Variants in CPQ observed in about 807,000 individuals in gnomAD.
The protein encoded by CPQ is carboxypeptidase Q.
CPQ carries 37 observed loss-of-function variants against 45.7 expected under a neutral mutation model. The ratio of observed to expected loss-of-function variants is 0.81; its 90% CI spans 0.62 to 1.07. CPQ has a LOEUF of 1.07. Among genes scored for constraint, CPQ ranks in the 50% least tolerant of loss-of-function variants. The pLI is 0.00. For missense variants in CPQ, 537 were observed against 572.9 expected, an observed-to-expected ratio of 0.94 and a Z score of 0.64; for synonymous variants, 186 against 205.8, an observed-to-expected ratio of 0.90 and a Z score of 0.82.
intron 7 of CPQ, among the ~76,000 whole-genome samples, chr8:97,115,743 G>A (rs1345258178): frequency 2.0e-5 from 3 of 152,126 alleles, no homozygotes; most frequent in Non-Finnish European, 4.4e-5. Context: ...TATTCATTAT[G>A]GCACAAGGTT....
chr8:96,717,001 G>T (rs1809682828), intron 1 of CPQ, among the ~76,000 whole-genome samples: 1 of 117,270 alleles, frequency 8.5e-6, no homozygotes, highest in Non-Finnish European at 1.7e-5. Context: ...CCTTTTTATG[G>T]CTGAGCAGTA....
At chr8:96,874,068 T>C (rs917564799) in intron 3 of CPQ, among the ~76,000 whole-genome samples, 1 of 151,858 alleles carries the variant, frequency 6.6e-6, no homozygotes, top group Non-Finnish European at 1.5e-5. Flanking sequence ...TCACTTTTCA[T>C]AAGATACACA....
At chr8:96,991,414 G>T (rs1809089881) in intron 5 of CPQ, among the ~76,000 whole-genome samples, 1 of 151,910 alleles carries the variant, frequency 6.6e-6, no homozygotes, top group Admixed American at 6.6e-5. Flanking sequence ...AAATTAGCTG[G>T]GCGTGGTGGC....
In CPQ at chr8:96,645,313, C is replaced by T. The variant is rs577640616; in HGVS notation, c.-124C>T. On this transcript the variant is annotated 5_prime_UTR_variant, in exon 1 of 8. Coordinates refer to ENST00000220763, the MANE Select transcript of CPQ (RefSeq NM_016134.4). Reference sequence around the variant, plus strand: ...GCGGCGCGGAGGGCCCCAGCCCAGTCAGGGGTGTGGCCGCCGCCACCGTAA... The same window carrying T: ...GCGGCGCGGAGGGCCCCAGCCCAGTTAGGGGTGTGGCCGCCGCCACCGTAA... The T allele has an allele frequency of 6.6e-6, 1 of 152,440 alleles. No individual in the cohort carries two copies. Among genetic ancestry groups the T allele is most frequent in the Non-Finnish European group, 1.5e-5 (1 of 68,212 alleles). The allele number at this position is 152,440 out of a possible 1,614,324, so 9.4% of individuals were successfully genotyped here.
intron 6 of CPQ, among the ~76,000 whole-genome samples, chr8:97,063,184 A>T (rs1407022895): frequency 6.6e-6 from 1 of 152,098 alleles, no homozygotes; most frequent in Non-Finnish European, 1.5e-5. Context: ...GACTGGTGTG[A>T]GATGGTATCT....
intron 1 of CPQ, among the ~76,000 whole-genome samples, chr8:96,671,996 G>A (rs552860814): frequency 6.6e-6 from 1 of 152,256 alleles, no homozygotes; most frequent in South Asian, 2.1e-4. Flanking sequence ...AGGATTATTA[G>A]AGATTTGGGT....
At chr8:96,899,778 G>A (rs1179040050) in intron 4 of CPQ, among the ~76,000 whole-genome samples, 2 of 152,054 alleles carry the variant, frequency 1.3e-5, no homozygotes, top group Non-Finnish European at 2.9e-5. Context: ...GATTTGACTG[G>A]GGATAAATAT....
chr8:96,717,031 ATAT>A, intron 1 of CPQ, among the ~76,000 whole-genome samples: 2 of 10,764 alleles, frequency 1.9e-4, no homozygotes, highest in East Asian at 3.4e-3. Flanking sequence ...ATAAATATAT[ATAT>A]ATATATATAT....
chr8:96,910,895 TCAGGACTTGAAC>T (rs1812651333), intron 4 of CPQ, among the ~76,000 whole-genome samples: 1 of 151,922 alleles, frequency 6.6e-6, no homozygotes, highest in Admixed American at 6.6e-5. Flanking sequence ...GAAGGCTGAG[TCAGGACTTGAAC>T]CAGGTTTTTA....
intron 1 of CPQ, among the ~76,000 whole-genome samples, chr8:96,673,484 C>G (rs1339565652): frequency 8.6e-5 from 13 of 152,032 alleles, no homozygotes; most frequent in Admixed American, 8.5e-4. Context: ...TGGGAGGGGA[C>G]AAATCAGAGG....
chr8:96,692,759 A>G (rs115660957), intron 1 of CPQ, among the ~76,000 whole-genome samples: 197 of 152,330 alleles, frequency 1.3e-3, no homozygotes, highest in African/African-American at 4.5e-3. Flanking sequence ...AAAGACAACA[A>G]TAAATATTCA....
At chr8:96,740,286 T>C (rs1190223627) in intron 1 of CPQ, among the ~76,000 whole-genome samples, 4 of 152,208 alleles carry the variant, frequency 2.6e-5, no homozygotes, top group Non-Finnish European at 5.9e-5. Context: ...TGTATAAGAA[T>C]GCTTGTGATT....
In CPQ at chr8:96,970,712, C is replaced by T. The variant is rs553874196; in HGVS notation, c.961+4666C>T. ...ACGAGTAGCTGGGACTACAGGCGCC[C>T]GCTACCACGCCCGGCTAATTTTTTG... On this transcript the variant is annotated intron_variant, in intron 5 of 7. Coordinates refer to ENST00000220763, the MANE Select transcript of CPQ (RefSeq NM_016134.4). Among the ~76,000 whole-genome samples the T allele has an allele frequency of 2.5e-3, 386 of 152,156 alleles. 3 individuals carry two copies. Among genetic ancestry groups the T allele is most frequent in the African/African-American group, 8.9e-3 (371 of 41,528 alleles).
At chr8:97,111,246 TC>T (rs1351132607) in intron 7 of CPQ, among the ~76,000 whole-genome samples, 1 of 152,132 alleles carries the variant, frequency 6.6e-6, no homozygotes, top group Non-Finnish European at 1.5e-5. Flanking sequence ...GGAAATGTCC[TC>T]CCTTTTCCTC....
At chr8:96,661,191 C>CT (rs1299531729) in intron 1 of CPQ, among the ~76,000 whole-genome samples, 8 of 151,836 alleles carry the variant, frequency 5.3e-5, no homozygotes, top group African/African-American at 1.9e-4. Context: ...AAGTGGCAGA[C>CT]TTTTTTTTAA....
In CPQ at chr8:97,015,163, G is replaced by A. The variant is rs549723873; in HGVS notation, c.962-14240G>A. On this transcript the variant is annotated intron_variant, in intron 5 of 7. Coordinates refer to ENST00000220763, the MANE Select transcript of CPQ (RefSeq NM_016134.4). ...CCATCATTTTCTTTAAAATTGTACTGTTGTTTAACTTCTCACCAGTTGATG... is the reference window on the plus strand; with the variant it reads ...CCATCATTTTCTTTAAAATTGTACTATTGTTTAACTTCTCACCAGTTGATG... 2.6e-4 allele frequency among the ~76,000 whole-genome samples: 40 copies of A among 152,214 alleles called. 1 individual carries two copies. The South Asian group carries it at 3.9e-3, about 15-fold the overall frequency.
At chr8:96,760,757 T>C (rs1485387526) in intron 1 of CPQ, among the ~76,000 whole-genome samples, 1 of 152,144 alleles carries the variant, frequency 6.6e-6, no homozygotes, top group African/African-American at 2.4e-5. Context: ...AACTGGGACT[T>C]AAAAACCAGC....
At chr8:96,820,491 C>G (rs1182707570) in intron 2 of CPQ, among the ~76,000 whole-genome samples, 1 of 151,892 alleles carries the variant, frequency 6.6e-6, no homozygotes, top group East Asian at 1.9e-4. Flanking sequence ...TTCCTGGCCT[C>G]TGATAACTAC....
At chr8:96,868,396 A>G (rs1812021755) in intron 3 of CPQ, among the ~76,000 whole-genome samples, 5 of 152,056 alleles carry the variant, frequency 3.3e-5, no homozygotes, top group Non-Finnish European at 7.4e-5. Flanking sequence ...AGGTCATCAT[A>G]TACACTTTCT....
Sources: allele counts gnomAD v4.1 joint callset (sites outside exome capture counted in the v4.1 genomes callset), GRCh38; gene constraint gnomAD v4.1.1; transcripts MANE v1.5; gene names NCBI Gene and HGNC (gene_info 2026-07-23, HGNC 2026-07-21).